The following NLRP4 variants were observed in gnomAD, a reference collection of about 807,000 sequenced individuals.
NLRP4 encodes the protein NACHT, LRR and PYD domains-containing protein 4.
In NLRP4, 44 loss-of-function variants were observed where a neutral mutation model predicts 84.7. The observed-to-expected ratio is 0.52, with a 90% CI of 0.41 to 0.67. NLRP4 has a LOEUF of 0.67. Among genes scored for constraint, NLRP4 ranks in the 30% least tolerant of loss-of-function variants. The pLI, the probability that NLRP4 is intolerant of heterozygous loss-of-function variation, is 0.00. For synonymous variants in NLRP4, 544 were observed against 476.4 expected (o/e 1.14, Z -1.85); for missense variants, 1,260 against 1,219.4 (o/e 1.03, Z -0.50).
At chr19:55,838,955 G>GTT (rs57691669) in intron 1 of NLRP4, among the ~76,000 whole-genome samples, 26 of 144,564 alleles carry the variant, frequency 1.8e-4, no homozygotes, top group African/African-American at 4.5e-4. Context: ...CACTAAGCCT[G>GTT]TTTTTTTTTT....
intron 2 of NLRP4, among the ~76,000 whole-genome samples, chr19:55,853,842 G>A (rs559460080): frequency 6.0e-4 from 54 of 89,426 alleles, no homozygotes; most frequent in South Asian, 1.4e-3. Flanking sequence ...TCTCTCTCTC[G>A]TTCTGTCTTT....
intron 3 of NLRP4, among the ~76,000 whole-genome samples, chr19:55,859,850 C>T (rs1984654922): frequency 7.3e-6 from 1 of 136,658 alleles, no homozygotes; most frequent in Admixed American, 8.2e-5. Flanking sequence ...TCACTTGAGC[C>T]CGGGAGGCAG....
intron 2 of NLRP4, chr19:55,857,318 G>T: frequency 7.9e-6 from 2 of 254,214 alleles, no homozygotes; most frequent in Admixed American, 6.5e-5. Flanking sequence ...TTACGTAGTA[G>T]CAATGAATGT....
rs1443799239 is a variant in NLRP4, at chr19:55,851,047, G to A, written c.-65-969G>A. Among the ~76,000 whole-genome samples the A allele has an allele frequency of 3.5e-5, 4 of 115,384 alleles. No individual in the cohort carries two copies. The East Asian group carries it at 8.2e-4, about 24-fold the overall frequency. 75.7% of individuals were successfully genotyped at this position (115,384 alleles called of 152,430 possible). ...GTAATGTCCGAGGCTGCGGTGTAAT[G>A]TCCGAGGCTGCGGTGTAATGTCCGA... On this transcript the variant is annotated intron_variant, in intron 1 of 9. Coordinates refer to ENST00000301295, the MANE Select transcript of NLRP4 (RefSeq NM_134444.5).
rs1390829409 is a variant in NLRP4, at chr19:55,859,114, A to C, written c.1721A>C (p.Gln574Pro). The change falls in exon 3 of 10, where the codon CAA becomes CCA. Residue 574 changes from glutamine to proline, a missense_variant. Coordinates refer to ENST00000301295, the MANE Select transcript of NLRP4 (RefSeq NM_134444.5). ...GTGAAGCAGGCAGTGAACCTCCTCC[A>C]AGAAGCTAACTTTCATATTATTGAC... ...AFVKQAVNLLQEANFHIIDNV... is the reference protein window; with the variant it reads ...AFVKQAVNLLPEANFHIIDNV... 1.9e-6 allele frequency: 3 copies of C among 1,614,046 alleles called. No homozygotes were observed. The highest frequency in any genetic ancestry group is 2.5e-6 in the Non-Finnish European group (3 of 1,179,914).
chr19:55,880,044 C>T (rs1485142988), intron 9 of NLRP4, among the ~76,000 whole-genome samples: 4 of 151,302 alleles, frequency 2.6e-5, no homozygotes, highest in African/African-American at 9.7e-5. Flanking sequence ...ATTCATTTTC[C>T]CCTACTGTTT....
At chr19:55,857,569 C>T (rs1430688536) in intron 2 of NLRP4, 105 bp from the exon 3 acceptor site, 2 of 1,046,608 alleles carry the variant, frequency 1.9e-6, no homozygotes, top group Non-Finnish European at 2.8e-6. Context: ...CTGGGGGCCA[C>T]AGTGTGTAGA....
At chr19:55,851,627 TGTCCGA>T in intron 1 of NLRP4, among the ~76,000 whole-genome samples, 2 of 103,578 alleles carry the variant, frequency 1.9e-5, no homozygotes, top group Admixed American at 1.1e-4. Context: ...TGCGGTGTAA[TGTCCGA>T]GGCTGCGGTG....
In NLRP4 at chr19:55,849,830, G is replaced by A. The variant is rs867621074; in HGVS notation, c.-65-2186G>A. On this transcript the variant is annotated intron_variant, in intron 1 of 9. Coordinates refer to ENST00000301295, the MANE Select transcript of NLRP4 (RefSeq NM_134444.5). Reference sequence around the variant, plus strand: ...TTTCCAAAGCTGCGGTGTAATTTCCGAAGCTGCGGTGTAATTTCCGAGACT... The same window carrying A: ...TTTCCAAAGCTGCGGTGTAATTTCCAAAGCTGCGGTGTAATTTCCGAGACT... 6.6e-3 allele frequency among the ~76,000 whole-genome samples: 974 copies of A among 147,008 alleles called. 86 individuals are homozygous for A. Among genetic ancestry groups the A allele is most frequent in the African/African-American group, 0.024 (877 of 37,010 alleles).
At chr19:55,877,362 C>T (rs539146726) in intron 8 of NLRP4, among the ~76,000 whole-genome samples, 196 bp downstream of exon 8, 2 of 152,256 alleles carry the variant, frequency 1.3e-5, no homozygotes, top group South Asian at 2.1e-4. Context: ...TCTGGGCAGG[C>T]GTCACTGACC....
chr19:55,877,604 G>T (rs557984407), intron 8 of NLRP4, among the ~76,000 whole-genome samples: 3 of 152,262 alleles, frequency 2.0e-5, no homozygotes, highest in East Asian at 3.9e-4. Flanking sequence ...CTTAGGTAAT[G>T]AATTTATCAC....
chr19:55,853,937 C>G (rs1271388639), intron 2 of NLRP4, among the ~76,000 whole-genome samples: 2 of 137,870 alleles, frequency 1.5e-5, no homozygotes, highest in Non-Finnish European at 3.1e-5. Context: ...CTTTCTCTCT[C>G]TCTTTCTGTC....
intron 1 of NLRP4, among the ~76,000 whole-genome samples, chr19:55,845,945 T>G (rs2123000792): frequency 6.6e-6 from 1 of 151,884 alleles, no homozygotes; most frequent in Non-Finnish European, 1.5e-5. Flanking sequence ...ATGAGTAGGT[T>G]GCGAAAATTT....
Position 55,859,123 on chromosome 19 carries a change from A to G in NLRP4, c.1730A>G (p.Asn577Ser). Residue 577 changes from asparagine to serine, a missense_variant, in exon 3 of 10, where the codon AAC becomes AGC. Physicochemically the swap from Asn to Ser is conservative, Grantham distance 46. This residue lies in a region of NLRP4 where 544 missense variants were observed against 531.7 expected (regional missense o/e 1.02). Transcript: ENST00000301295. The stretch of plus-strand genomic sequence containing the variant: ...GCAGTGAACCTCCTCCAAGAAGCTA[A>G]CTTTCATATTATTGACAACGTGGAC... ...KQAVNLLQEA[N>S]FHIIDNVDLV... 1 of 1,614,014 alleles carries G rather than the reference A, an allele frequency of 6.2e-7. No individual in the cohort carries two copies. Among genetic ancestry groups the G allele is most frequent in the South Asian group, 1.1e-5 (1 of 91,082 alleles).
chr19:55,881,064 A>G (rs1985565914), intron 9 of NLRP4, among the ~76,000 whole-genome samples: 1 of 151,914 alleles, frequency 6.6e-6, no homozygotes, highest in South Asian at 2.1e-4. Context: ...CATGCCTTCT[A>G]TTACCAATTC....
intron 9 of NLRP4, among the ~76,000 whole-genome samples, chr19:55,880,668 A>C (rs1408135197): frequency 6.6e-6 from 1 of 152,172 alleles, no homozygotes; most frequent in Non-Finnish European, 1.5e-5. Context: ...ACAGATGCCA[A>C]ATGGAGATGA....
In NLRP4 at chr19:55,857,814, C is replaced by G. The variant is rs749394850; in HGVS notation, c.421C>G (p.Pro141Ala). The change falls in exon 3 of 10, where the codon CCC (proline) becomes GCC (alanine). Residue 141 changes from proline (P) to alanine (A), a missense_variant. By Grantham distance (27) the Pro-to-Ala change is conservative. Transcript: ENST00000301295. Reference protein sequence around the residue: ...ECDHLDRLFAPKEAGKQPRTV... With the variant: ...ECDHLDRLFAAKEAGKQPRTV... ...TGACCATTTGGACCGCCTTTTTGCT[C>G]CCAAGGAAGCTGGGAAACAGCCACG... The G allele has an allele frequency of 1.2e-6, 2 of 1,614,050 alleles. No individual in the cohort carries two copies. Among genetic ancestry groups the G allele is most frequent in the Non-Finnish European group, 8.5e-7 (1 of 1,179,964 alleles).
intron 6 of NLRP4, among the ~76,000 whole-genome samples, chr19:55,869,820 G>A (rs1427207293): frequency 6.6e-6 from 1 of 151,782 alleles, no homozygotes; most frequent in African/African-American, 2.4e-5. Context: ...TGGGATTGGA[G>A]GCTCACACCT....
chr19:55,846,094 G>T (rs1600220041), intron 1 of NLRP4, among the ~76,000 whole-genome samples: 1 of 152,104 alleles, frequency 6.6e-6, no homozygotes, highest in African/African-American at 2.4e-5. Flanking sequence ...GAAGTCCTTG[G>T]CCATGCCTAT....
Sources: allele counts gnomAD v4.1 joint callset (sites outside exome capture counted in the v4.1 genomes callset), GRCh38; gene constraint gnomAD v4.1.1; regional missense constraint gnomAD v4.1.1; transcripts MANE v1.5; gene names NCBI Gene and HGNC (gene_info 2026-07-23, HGNC 2026-07-21).